Variants in CCDC192 observed in about 807,000 individuals in gnomAD.
The protein encoded by CCDC192 is coiled-coil domain containing 192, also known as coiled-coil domain-containing protein 192.
chr5:127,830,690 C>CA (rs933984132), intron 5 of CCDC192, among the ~76,000 whole-genome samples: 20 of 149,952 alleles, frequency 1.3e-4, no homozygotes, highest in African/African-American at 4.9e-4. Flanking sequence ...GTGGGGGACA[C>CA]AATTTGGCCC....
chr5:127,744,947 C>T (rs1231875721), intron 2 of CCDC192, among the ~76,000 whole-genome samples: 1 of 152,186 alleles, frequency 6.6e-6, no homozygotes, highest in African/African-American at 2.4e-5. Flanking sequence ...GCAAGCAGAG[C>T]TTCTCTGTGG....
chr5:127,772,736 A>G (rs897125564), intron 3 of CCDC192, among the ~76,000 whole-genome samples: 105 of 152,188 alleles, frequency 6.9e-4, no homozygotes, highest in African/African-American at 2.5e-3. Context: ...AACAAACATG[A>G]CTGATTTAGT....
At chr5:127,866,835 T>C (rs1010724107) in intron 5 of CCDC192, among the ~76,000 whole-genome samples, 2 of 152,210 alleles carry the variant, frequency 1.3e-5, no homozygotes, top group African/African-American at 4.8e-5. Flanking sequence ...TAAAAAAATA[T>C]TGTATTTTAT....
At chr5:127,880,059 ACCATCCCATTACTGGGTATATACCCAG>A (rs1752283736) in intron 6 of CCDC192, among the ~76,000 whole-genome samples, 2 of 152,242 alleles carry the variant, frequency 1.3e-5, no homozygotes, top group Admixed American at 6.5e-5. Flanking sequence ...AACTGGAAAT[ACCATCCCATTACTGGGTATATACCCAG>A]CCATCCCATT....
chr5:127,900,511 A>G (rs550757200), intron 6 of CCDC192, among the ~76,000 whole-genome samples: 5 of 152,366 alleles, frequency 3.3e-5, no homozygotes, highest in South Asian at 2.1e-4. Flanking sequence ...GGTTTGCCAT[A>G]TAACCCACTT....
intron 6 of CCDC192, among the ~76,000 whole-genome samples, chr5:127,878,342 C>T (rs987855912): frequency 6.6e-6 from 1 of 152,200 alleles, no homozygotes; most frequent in Non-Finnish European, 1.5e-5. Context: ...AAACTGTGGT[C>T]ATGTCCCCAC....
At chr5:127,702,715 C>T (rs191038755), upstream of CCDC192, among the ~76,000 whole-genome samples, 1 of 152,174 alleles carries the variant, frequency 6.6e-6, no homozygotes, top group African/African-American at 2.4e-5. Flanking sequence ...CTGTGGACTG[C>T]AGGGATCCTA....
At chr5:127,769,619 A>T (rs1755435671) in intron 3 of CCDC192, among the ~76,000 whole-genome samples, 1 of 152,196 alleles carries the variant, frequency 6.6e-6, no homozygotes, top group South Asian at 2.1e-4. Flanking sequence ...AATCCAGCCA[A>T]TGAAACTGAG....
Position 127,772,402 on chromosome 5 carries a change from C to T in CCDC192, c.222+18027C>T, listed in dbSNP as rs150057293. Among the ~76,000 whole-genome samples, 688 of 148,046 alleles carry T rather than the reference C, an allele frequency of 4.6e-3. 4 individuals are homozygous for T. Among genetic ancestry groups the T allele is most frequent in the Middle Eastern group, 0.01 (3 of 292 alleles). ...TGAACCTGTGTTGGGGGGGTGCGGACGTTGAGGTGAGCCAAGATCACACCA... is the reference window on the plus strand; with the variant it reads ...TGAACCTGTGTTGGGGGGGTGCGGATGTTGAGGTGAGCCAAGATCACACCA... On this transcript the variant is annotated intron_variant, in intron 3 of 6. Coordinates refer to ENST00000514853, the MANE Select transcript of CCDC192 (RefSeq NM_001317938.2).
At chr5:127,739,206 GC>G (rs1320683400) in intron 2 of CCDC192, among the ~76,000 whole-genome samples, 1 of 152,156 alleles carries the variant, frequency 6.6e-6, no homozygotes, top group African/African-American at 2.4e-5. Flanking sequence ...GTGTCAGTGT[GC>G]CCCTGCTGGG....
At chr5:127,705,613 A>G (rs1416154954) in intron 1 of CCDC192, among the ~76,000 whole-genome samples, 1 of 152,148 alleles carries the variant, frequency 6.6e-6, no homozygotes, top group Non-Finnish European at 1.5e-5. Context: ...TGCTTGTGGA[A>G]TACAAAGGCA....
intron 3 of CCDC192, among the ~76,000 whole-genome samples, chr5:127,781,584 T>TC: frequency 6.6e-6 from 1 of 152,014 alleles, no homozygotes; most frequent in Non-Finnish European, 1.5e-5. Context: ...TCCTTTTTTT[T>TC]TTTTTTTTGC....
At chr5:127,843,588 C>T (rs913497306) in intron 5 of CCDC192, among the ~76,000 whole-genome samples, 2 of 152,072 alleles carry the variant, frequency 1.3e-5, no homozygotes, top group Non-Finnish European at 2.9e-5. Context: ...CAGGCATGCA[C>T]TACCATGCCT....
chr5:127,786,307 C>T, intron 3 of CCDC192: 1 of 629,188 alleles, frequency 1.6e-6, no homozygotes, highest in South Asian at 1.8e-5. Context: ...GAATTCAGTA[C>T]TCTCTGTGAC....
At chr5:127,903,212 T>C (rs2127168680) in intron 6 of CCDC192, among the ~76,000 whole-genome samples, 1 of 152,094 alleles carries the variant, frequency 6.6e-6, no homozygotes, top group Non-Finnish European at 1.5e-5. Context: ...CAATCCTGCC[T>C]AAGTTCTGTA....
intron 3 of CCDC192, among the ~76,000 whole-genome samples, chr5:127,761,743 A>G: frequency 6.6e-6 from 1 of 152,166 alleles, no homozygotes; most frequent in East Asian, 1.9e-4. Flanking sequence ...TTTTGCTAAT[A>G]TTTACCCTAA....
intron 6 of CCDC192, among the ~76,000 whole-genome samples, chr5:127,905,542 C>T (rs1753171499): frequency 6.6e-6 from 1 of 152,170 alleles, no homozygotes. Flanking sequence ...GTCAAGTTCA[C>T]AATTTATGTG....
intron 5 of CCDC192, among the ~76,000 whole-genome samples, chr5:127,827,233 T>A (rs1749573701): frequency 6.6e-6 from 1 of 152,174 alleles, no homozygotes; most frequent in Admixed American, 6.5e-5. Flanking sequence ...AGTCAATTTG[T>A]CCTTCATTGA....
intron 6 of CCDC192, among the ~76,000 whole-genome samples, chr5:127,935,833 G>A (rs1380181513): frequency 5.3e-5 from 8 of 152,154 alleles, no homozygotes; most frequent in East Asian, 1.9e-4. Context: ...GGCCAGGCAC[G>A]GTGGCTCATA....
Sources: gnomAD v4.1 joint callset for allele counts (sites outside exome capture counted in the v4.1 genomes callset) on GRCh38, gnomAD v4.1.1 for gene constraint, MANE v1.5 for transcripts, NCBI Gene and HGNC (gene_info 2026-07-23, HGNC 2026-07-21) for gene names.